Variants in ARFGEF1 observed in about 807,000 individuals in gnomAD.
ARFGEF1 encodes ARF guanine nucleotide exchange factor 1, also known as brefeldin A-inhibited guanine nucleotide-exchange protein 1.
In ARFGEF1, 42 loss-of-function variants were observed where a neutral mutation model predicts 231.0. That is an observed-to-expected ratio of 0.18 (90% CI 0.14 to 0.24). ARFGEF1 has a LOEUF of 0.24. ARFGEF1 is among the 10% of genes least tolerant of loss of function. The probability of loss-of-function intolerance (pLI) is 1.00; values close to 1 mark genes in which losing one functional copy is unlikely to be tolerated. For synonymous variants in ARFGEF1, 710 were observed against 732.3 expected (o/e 0.97, Z 0.49); for missense variants, 1,345 against 2,192.0 (o/e 0.61, Z 7.72).
At position 67,257,814 on chromosome 8, in the gene ARFGEF1, T is replaced by C. The variant is rs1336220096; in HGVS notation, c.2444A>G (p.Gln815Arg). Residue 815 changes from glutamine to arginine, a missense_variant and splice_region_variant, in exon 17 of 39, where the codon CAA (glutamine) becomes CGA (arginine). Transcript: ENST00000262215. ...TGTATCCGCACTAGCAAAGAGAGTT[T>C]GTCTGGAAAAATAAATGTATCATGT... The part of the protein sequence containing the change: ...AARYLECNQG[Q>R]TLFASADTAY... 5 of 1,599,818 alleles carry C rather than the reference T, an allele frequency of 3.1e-6. No homozygotes were observed. Among genetic ancestry groups the C allele is most frequent in the Non-Finnish European group, 4.3e-6 (5 of 1,176,026 alleles).
chr8:67,193,497 C>T (rs1421998303), downstream of ARFGEF1: 33 of 1,613,020 alleles, frequency 2.0e-5, no homozygotes, highest in Non-Finnish European at 2.7e-5. Context: ...ACCAGATGGT[C>T]TCTCTCTAAA....
chr8:67,336,938 G>A (rs774593984), intron 1 of ARFGEF1, among the ~76,000 whole-genome samples: 1 of 151,776 alleles, frequency 6.6e-6, no homozygotes, highest in Non-Finnish European at 1.5e-5. Flanking sequence ...AGACCATCCT[G>A]GCTAACACGG....
chr8:67,285,079 C>A (rs531432500), intron 7 of ARFGEF1, among the ~76,000 whole-genome samples: 63 of 147,218 alleles, frequency 4.3e-4, no homozygotes, highest in African/African-American at 1.5e-3. Flanking sequence ...ATTCATTAAG[C>A]CCATGGTATT....
At chr8:67,293,497 G>T (rs758794613) in intron 5 of ARFGEF1, among the ~76,000 whole-genome samples, 2 of 152,028 alleles carry the variant, frequency 1.3e-5, no homozygotes, top group Non-Finnish European at 2.9e-5. Context: ...CAAAATATTA[G>T]AAATAAATTA....
downstream of ARFGEF1, chr8:67,195,577 C>T (rs768228167): frequency 1.9e-6 from 3 of 1,613,994 alleles, no homozygotes; most frequent in East Asian, 2.2e-5. Context: ...CAGGGCCTGT[C>T]GACTGCACAT....
downstream of ARFGEF1, chr8:67,175,340 C>G (rs1259867496): frequency 1.2e-6 from 2 of 1,613,730 alleles, no homozygotes; most frequent in East Asian, 4.5e-5. Context: ...CCTGGATCCT[C>G]CAAGAGATCA....
intron 1 of ARFGEF1, among the ~76,000 whole-genome samples, chr8:67,326,177 G>C (rs1305420665): frequency 6.6e-6 from 1 of 152,088 alleles, no homozygotes; most frequent in Non-Finnish European, 1.5e-5. Flanking sequence ...TAGCCTGGTT[G>C]ACAGAGTGAA....
At chr8:67,319,692 A>G (rs1807489935) in intron 1 of ARFGEF1, among the ~76,000 whole-genome samples, 1 of 152,190 alleles carries the variant, frequency 6.6e-6, no homozygotes, top group Non-Finnish European at 1.5e-5. Context: ...TAAAAGAAAA[A>G]ATAAAATGGA....
At chr8:67,298,031 T>G (rs1017308556) in intron 4 of ARFGEF1, among the ~76,000 whole-genome samples, 1 of 152,010 alleles carries the variant, frequency 6.6e-6, no homozygotes, top group Non-Finnish European at 1.5e-5. Flanking sequence ...GTCTCGAACT[T>G]CTGGGATCAA....
chr8:67,238,390 G>A lies in ARFGEF1; in HGVS notation c.3242C>T (p.Thr1081Ile). The change falls in exon 22 of 39, where the codon ACT (threonine) becomes ATT (isoleucine). Residue 1081 changes from threonine (T) to isoleucine (I), a missense_variant. Coordinates refer to ENST00000262215, the MANE Select transcript of ARFGEF1 (RefSeq NM_006421.5). ...GTVRGREGSL[T>I]GTKDQAPDEF... is the part of the protein sequence containing the mutation. ...ATCAGGAGCCTGATCTTTTGTTCCA[G>A]TAAGAGATCCTTCTCTGCCTCGCAC... 2 of 1,613,458 alleles carry A rather than the reference G, an allele frequency of 1.2e-6. No homozygotes were observed. The highest frequency in any genetic ancestry group is 3.3e-4 in the Middle Eastern group (2 of 6,056).
rs1563842921 is a variant in ARFGEF1, at chr8:67,217,984, A to G, written c.4474+19T>C. 2 of 1,612,048 alleles carry G rather than the reference A, an allele frequency of 1.2e-6. No individual in the cohort carries two copies. Among genetic ancestry groups the G allele is most frequent in the African/African-American group, 2.7e-5 (2 of 74,790 alleles). Reference sequence around the variant, plus strand: ...GGTCACATTTAACACTTTGTGTCACATATCTGGTACAGACCTACCTTGCTG... The same window carrying G: ...GGTCACATTTAACACTTTGTGTCACGTATCTGGTACAGACCTACCTTGCTG... On this transcript the variant is annotated intron_variant, in intron 31 of 38. Coordinates refer to ENST00000262215, the MANE Select transcript of ARFGEF1 (RefSeq NM_006421.5).
chr8:67,292,065 T>G lies in ARFGEF1; in HGVS notation c.698A>C (p.Gln233Pro). The change falls in exon 6 of 39, where the codon CAG (glutamine) becomes CCG (proline). Residue 233 changes from glutamine (Q) to proline (P), a missense_variant. By Grantham distance (76) the Gln-to-Pro change is moderately conservative (BLOSUM62 -1). Coordinates refer to ENST00000262215, the MANE Select transcript of ARFGEF1 (RefSeq NM_006421.5). ...ERHRQHHHLLQSPVSHHEPES... is the reference protein window; with the variant it reads ...ERHRQHHHLLPSPVSHHEPES... ...AGGCTCGTGATGGCTTACTGGAGACTGTAACAGATGATGATGCTGCCGATG... is the reference window on the plus strand; with the variant it reads ...AGGCTCGTGATGGCTTACTGGAGACGGTAACAGATGATGATGCTGCCGATG... 1.2e-6 allele frequency: 2 copies of G among 1,613,978 alleles called. No homozygotes were observed. The highest frequency in any genetic ancestry group is 2.2e-5 in the South Asian group (2 of 91,076).
chr8:67,197,276 A>ATCTC (rs957173726), downstream of ARFGEF1, among the ~76,000 whole-genome samples: 13 of 151,956 alleles, frequency 8.6e-5, no homozygotes, highest in African/African-American at 3.1e-4. Context: ...GTGAGATCCC[A>ATCTC]TCTCTAAAAA....
Position 67,252,974 on chromosome 8 carries a change from T to TCTAA in ARFGEF1, c.2698+473_2698+476dup, listed in dbSNP as rs111505446. On this transcript the variant is annotated intron_variant, in intron 18 of 38. Coordinates refer to ENST00000262215, the MANE Select transcript of ARFGEF1 (RefSeq NM_006421.5). ...CAAGGGTTGAAGCCTGACTATTGGG[T>TCTAA]CTAACTACTCTTTATGACCTCCAAA... Among the ~76,000 whole-genome samples the TCTAA allele has an allele frequency of 2.0e-3, 302 of 152,264 alleles. 4 individuals are homozygous for TCTAA. The highest frequency in any genetic ancestry group is 6.9e-3 in the African/African-American group (287 of 41,554).
At chr8:67,340,313 C>A (rs1808568777) in intron 1 of ARFGEF1, among the ~76,000 whole-genome samples, 1 of 152,126 alleles carries the variant, frequency 6.6e-6, no homozygotes, top group South Asian at 2.1e-4. Context: ...ATAACACCAC[C>A]CACAAAATGA....
At chr8:67,220,539 G>GT (rs1201595436) in intron 29 of ARFGEF1, among the ~76,000 whole-genome samples, 1 of 152,202 alleles carries the variant, frequency 6.6e-6, no homozygotes, top group African/African-American at 2.4e-5. Flanking sequence ...CAGGCCAACA[G>GT]TAAGTCCACA....
At chr8:67,240,432 G>T in intron 19 of ARFGEF1, 142 bp from the exon 20 acceptor site, 1 of 752,680 alleles carries the variant, frequency 1.3e-6, no homozygotes, top group Non-Finnish European at 2.0e-6. Context: ...AACAAAGGGG[G>T]AAAACTATAT....
At chr8:67,269,574 C>T (rs1804988979) in intron 10 of ARFGEF1, among the ~76,000 whole-genome samples, 3 of 151,964 alleles carry the variant, frequency 2.0e-5, no homozygotes, top group Admixed American at 2.0e-4. Flanking sequence ...TAGTCTCGAA[C>T]TCCTGACCTC....
chr8:67,177,753 G>A, intron 5 of ARFGEF1: 2 of 1,572,564 alleles, frequency 1.3e-6, no homozygotes, highest in Non-Finnish European at 1.7e-6. Context: ...AATTTTTCAA[G>A]TTAGTTTTTG....
Sources: gnomAD v4.1 joint callset for allele counts (sites outside exome capture counted in the v4.1 genomes callset) on GRCh38, gnomAD v4.1.1 for gene constraint, MANE v1.5 for transcripts, NCBI Gene and HGNC (gene_info 2026-07-23, HGNC 2026-07-21) for gene names.